The following DYNC2I2 variants were observed in gnomAD, a reference collection of about 807,000 sequenced individuals.
DYNC2I2 encodes cytoplasmic dynein 2 intermediate chain 2.
DYNC2I2 carries 39 observed loss-of-function variants against 52.0 expected under a neutral mutation model. The observed-to-expected ratio is 0.75, with a 90% confidence interval of 0.58 to 0.98. The LOEUF is 0.98. DYNC2I2 is among the 50% of genes least tolerant of loss of function. The pLI is 0.00. For missense variants in DYNC2I2, 743 were observed against 728.4 expected, an observed-to-expected ratio of 1.02 and a Z score of -0.23; for synonymous variants, 359 against 321.1, an observed-to-expected ratio of 1.12 and a Z score of -1.26.
intron 1 of DYNC2I2, among the ~76,000 whole-genome samples, chr9:128,653,409 CACT>C (rs1860756717): frequency 6.7e-6 from 1 of 150,102 alleles, no homozygotes; most frequent in Non-Finnish European, 1.5e-5. Context: ...GAAACCCCGT[CACT>C]ACTAAAAATA....
rs1354880824 is a variant in DYNC2I2, at chr9:128,636,285, G to A, written c.699C>T (p.Val233=). The change falls in exon 4 of 9, where the codon GTC becomes GTT. Residue 233 remains valine (V), a synonymous_variant. Transcript: ENST00000372715. The stretch of plus-strand genomic sequence containing the variant: ...CGGACACAGCAGGCAGCTCACCTGC[G>A]ACGTGGGAGGGCTGCGTGGGGTGGA... ...LAFHPTQPSH[V]AGGLYSGEVL... 4.0e-5 allele frequency: 62 copies of A among 1,567,518 alleles called. No individual in the cohort carries two copies. Among genetic ancestry groups the A allele is most frequent in the Non-Finnish European group, 4.7e-5 (54 of 1,156,680 alleles).
At chr9:128,682,295 G>A in the DYNC2I2 span, among the ~76,000 whole-genome samples, 3 of 151,858 alleles carry the variant, frequency 2.0e-5, no homozygotes, top group Admixed American at 6.6e-5. Flanking sequence ...TGATCCACCC[G>A]CATCAGCCTC....
chr9:128,664,163 T>C, the DYNC2I2 span, among the ~76,000 whole-genome samples: 1 of 152,048 alleles, frequency 6.6e-6, no homozygotes, highest in Admixed American at 6.6e-5. Context: ...GGTTTCACCA[T>C]GTTAGCTAGG....
chr9:128,664,272 G>A, the DYNC2I2 span, among the ~76,000 whole-genome samples: 9 of 151,112 alleles, frequency 6.0e-5, no homozygotes, highest in East Asian at 2.0e-4. Context: ...ATCCTTCCCC[G>A]ATGGTCACAA....
the DYNC2I2 span, among the ~76,000 whole-genome samples, chr9:128,672,852 G>A: frequency 3.9e-5 from 6 of 152,142 alleles, no homozygotes; most frequent in East Asian, 1.9e-4. Context: ...GTGAAACCCC[G>A]TGTCTACTAA....
chr9:128,655,944 A>G (rs1377960287), intron 1 of DYNC2I2, among the ~76,000 whole-genome samples: 1 of 147,328 alleles, frequency 6.8e-6, no homozygotes, highest in Non-Finnish European at 1.5e-5. Flanking sequence ...GCGGTGGCTC[A>G]CACCTGTAAT....
chr9:128,657,550 C>T (rs1342690983), upstream of DYNC2I2, among the ~76,000 whole-genome samples: 1 of 152,046 alleles, frequency 6.6e-6, no homozygotes, highest in African/African-American at 2.4e-5. Flanking sequence ...CACCTGTAAT[C>T]CCGGTACTTT....
At position 128,634,486 on chromosome 9, in the gene DYNC2I2, G is replaced by A. The variant is rs967855948; in HGVS notation, c.1215-103C>T. The A allele has an allele frequency of 3.4e-6, 5 of 1,451,400 alleles. No individual in the cohort carries two copies. The Admixed American group carries it at 9.7e-5, about 28-fold the overall frequency. The allele number at this position is 1,451,400 out of a possible 1,614,324, so 89.9% of individuals were successfully genotyped here. On this transcript the variant is annotated intron_variant, in intron 7 of 8. Coordinates refer to ENST00000372715, the MANE Select transcript of DYNC2I2 (RefSeq NM_052844.4). The stretch of plus-strand genomic sequence containing the variant: ...TCCTGGGCTGCCAGGCTCGTGAAGA[G>A]CCTCCCGGGTCCCTCAGCCTGGAGT...
At chr9:128,661,304 C>CAAAAAA (rs34937317), upstream of DYNC2I2, among the ~76,000 whole-genome samples, 3 of 62,202 alleles carry the variant, frequency 4.8e-5, no homozygotes, top group Non-Finnish European at 7.2e-5. Flanking sequence ...GACTCCATCT[C>CAAAAAA]AAAAAAAAAA....
chr9:128,665,577 C>T, the DYNC2I2 span, among the ~76,000 whole-genome samples: 4 of 151,694 alleles, frequency 2.6e-5, no homozygotes, highest in African/African-American at 9.7e-5. Context: ...CAAGAACAAC[C>T]TGACCAATAT....
chr9:128,675,378 T>C, the DYNC2I2 span, among the ~76,000 whole-genome samples: 2 of 152,062 alleles, frequency 1.3e-5, no homozygotes, highest in Non-Finnish European at 2.9e-5. Flanking sequence ...GGTTTCACCA[T>C]GTTGGCCAGG....
Position 128,636,130 on chromosome 9 carries a change from G to A in DYNC2I2, c.703+151C>T, listed in dbSNP as rs117101194. 1,002 of 1,227,674 alleles carry A rather than the reference G, an allele frequency of 8.2e-4. 17 individuals carry two copies. The East Asian group carries it at 0.023, about 28-fold the overall frequency. The allele number at this position is 1,227,674 out of a possible 1,614,324, so 76.0% of individuals were successfully genotyped here. ...CGAGTTCCACCCCTCAGGGCTCACT[G>A]CAGACCTTCACCTGGGCTCCAGACT... On this transcript the variant is annotated intron_variant, in intron 4 of 8. Transcript: ENST00000372715.
upstream of DYNC2I2, among the ~76,000 whole-genome samples, chr9:128,657,992 C>T (rs1164275628): frequency 6.6e-6 from 1 of 151,870 alleles, no homozygotes; most frequent in Non-Finnish European, 1.5e-5. Flanking sequence ...GCTCCGGAGG[C>T]CAAGGTGAGA....
At chr9:128,642,773 T>TGC (rs1860542932) in intron 1 of DYNC2I2, among the ~76,000 whole-genome samples, 1 of 152,046 alleles carries the variant, frequency 6.6e-6, no homozygotes, top group Non-Finnish European at 1.5e-5. Context: ...AAATTACTTA[T>TGC]TGAGCATCTA....
intron 1 of DYNC2I2, among the ~76,000 whole-genome samples, chr9:128,642,995 G>C (rs977010152): frequency 1.8e-4 from 27 of 151,974 alleles, no homozygotes; most frequent in Non-Finnish European, 3.2e-4. Flanking sequence ...TGGCCTCTTA[G>C]GGAGATGGCG....
intron 1 of DYNC2I2, 92 bp downstream of exon 1, chr9:128,656,447 GGC>G: frequency 9.3e-7 from 1 of 1,075,036 alleles, no homozygotes; most frequent in Non-Finnish European, 1.2e-6. Context: ...GAACCCGCCC[GGC>G]AGCCACGGTG....
chr9:128,665,763 CTG>C, the DYNC2I2 span, among the ~76,000 whole-genome samples: 1 of 104,764 alleles, frequency 9.5e-6, no homozygotes, highest in African/African-American at 3.7e-5. Flanking sequence ...GAGTGAGACT[CTG>C]TGTCAAAAAA....
chr9:128,680,921 C>T, the DYNC2I2 span, among the ~76,000 whole-genome samples: 1 of 152,098 alleles, frequency 6.6e-6, no homozygotes, highest in African/African-American at 2.4e-5. Flanking sequence ...AGTGATTTGC[C>T]CACCTTGGCC....
chr9:128,636,500 CCT>C, intron 3 of DYNC2I2, 62 bp from the exon 4 acceptor site: 1 of 1,522,226 alleles, frequency 6.6e-7, no homozygotes, highest in South Asian at 1.2e-5. Flanking sequence ...ACCCACCCCA[CCT>C]CTCTCCCCAC....
Sources: allele counts gnomAD v4.1 joint callset (sites outside exome capture counted in the v4.1 genomes callset), GRCh38; gene constraint gnomAD v4.1.1; transcripts MANE v1.5; gene names NCBI Gene and HGNC (gene_info 2026-07-23, HGNC 2026-07-21).